Variants in POM121C observed in about 807,000 individuals in gnomAD.
POM121C encodes nuclear envelope pore membrane protein POM 121C.
In POM121C, 20 loss-of-function variants were observed where a neutral mutation model predicts 66.4. That is an observed-to-expected ratio of 0.30 (90% confidence interval 0.21 to 0.44). POM121C has a LOEUF of 0.44. Ranked by LOEUF, POM121C falls within the 20% of genes least tolerant of loss-of-function variation. The probability of loss-of-function intolerance (pLI) is 1.00; values close to 1 mark genes in which losing one functional copy is unlikely to be tolerated. For synonymous variants in POM121C, 286 were observed against 528.0 expected, an observed-to-expected ratio of 0.54 and a Z score of 6.28; for missense variants, 580 against 1,225.7, an observed-to-expected ratio of 0.47 and a Z score of 7.87.
Position 75,440,833 on chromosome 7 carries a change from A to G in POM121C, c.227+121T>C, listed in dbSNP as rs1219804645. On this transcript the variant is annotated intron_variant, in intron 5 of 14. Coordinates refer to ENST00000615331, the MANE Select transcript of POM121C (RefSeq NM_001099415.3). ...TTAGGTTCTCTCATGAAAGCCAAAG[A>G]AGGAGGCCTATGAAGGCTCACAAAC... 160 of 1,526,230 alleles carry G rather than the reference A, an allele frequency of 1.0e-4. 2 individuals carry two copies. The highest frequency in any genetic ancestry group is 2.0e-4 in the Admixed American group (11 of 54,518). 94.5% of individuals were successfully genotyped at this position (1,526,230 alleles called of 1,614,324 possible).
At chr7:75,462,041 A>G (rs1461710738) in intron 3 of POM121C, among the ~76,000 whole-genome samples, 22 of 144,582 alleles carry the variant, frequency 1.5e-4, no homozygotes, top group African/African-American at 5.2e-4. Context: ...ACTGTAGAAA[A>G]ATAATCAAAG....
intron 5 of POM121C, among the ~76,000 whole-genome samples, chr7:75,440,274 C>G (rs1372914509): frequency 6.6e-6 from 1 of 151,868 alleles, no homozygotes; most frequent in African/African-American, 2.4e-5. Context: ...AATTAAGACA[C>G]TAGAACTGGT....
chr7:75,439,210 C>T lies in POM121C; in HGVS notation c.242G>A (p.Ser81Asn). Residue 81 changes from serine (S) to asparagine (N), a missense_variant, in exon 6 of 15, where the codon AGT becomes AAT. Transcript: ENST00000615331. Reference protein sequence around the residue: ...QENKRRRHDSSGSGHSAFEPL... With the variant: ...QENKRRRHDSNGSGHSAFEPL... ...CTCAAATGCTGAATGTCCACTGCCA[C>T]TGCTATCATGGCGCCTGCGACAAAT... 1 of 1,614,268 alleles carries T rather than the reference C, an allele frequency of 6.2e-7. No individual in the cohort carries two copies. Among genetic ancestry groups the T allele is most frequent in the Non-Finnish European group, 8.5e-7 (1 of 1,180,048 alleles).
intron 1 of POM121C, among the ~76,000 whole-genome samples, chr7:75,477,390 C>T (rs587763521): frequency 6.6e-6 from 1 of 152,320 alleles, no homozygotes; most frequent in East Asian, 1.9e-4. Context: ...CAAGACCAGC[C>T]TGGTCAACAT....
chr7:75,452,275 T>C (rs587701533), intron 3 of POM121C, among the ~76,000 whole-genome samples: 11,380 of 151,426 alleles, frequency 0.075, 1,393 homozygotes, highest in African/African-American at 0.26. Context: ...CTGGCCAACA[T>C]GGGGAAATCC....
intron 3 of POM121C, among the ~76,000 whole-genome samples, chr7:75,467,793 GCAC>G (rs1791716205): frequency 6.6e-6 from 1 of 152,014 alleles, no homozygotes; most frequent in Non-Finnish European, 1.5e-5. Context: ...CACTCATTGA[GCAC>G]CTACCTATGT....
chr7:75,458,439 G>A (rs1162908684), intron 3 of POM121C, among the ~76,000 whole-genome samples: 7 of 152,028 alleles, frequency 4.6e-5, no homozygotes, highest in Non-Finnish European at 5.9e-5. Flanking sequence ...TGAGGAGGAG[G>A]AGTGATTGAG....
intron 7 of POM121C, among the ~76,000 whole-genome samples, chr7:75,429,082 A>G (rs1790070316): frequency 6.6e-6 from 1 of 152,216 alleles, no homozygotes; most frequent in Non-Finnish European, 1.5e-5. Context: ...GTACACACTC[A>G]TTTCAGATAT....
chr7:75,423,778 G>A (rs182684840), intron 12 of POM121C, among the ~76,000 whole-genome samples: 84 of 151,774 alleles, frequency 5.5e-4, no homozygotes, highest in Non-Finnish European at 1.0e-3. Context: ...GTGCTGCACC[G>A]GGAAGATCAT....
At chr7:75,475,348 G>A (rs587688242) in intron 1 of POM121C, among the ~76,000 whole-genome samples, 160 bp from the exon 2 acceptor site, 1 of 151,960 alleles carries the variant, frequency 6.6e-6, no homozygotes, top group Non-Finnish European at 1.5e-5. Flanking sequence ...TATCCTTTGG[G>A]GTCCTTTATA....
intron 1 of POM121C, chr7:75,484,238 G>A (rs1473026974): frequency 6.2e-7 from 1 of 1,609,398 alleles, no homozygotes; most frequent in Non-Finnish European, 8.5e-7. Flanking sequence ...GAAACATGCA[G>A]AGACTGTGGC....
intron 6 of POM121C, among the ~76,000 whole-genome samples, chr7:75,438,484 C>A (rs1273324622): frequency 6.6e-6 from 1 of 152,210 alleles, no homozygotes; most frequent in Non-Finnish European, 1.5e-5. Context: ...TCATCCACCA[C>A]CACCCCTCTG....
chr7:75,438,234 C>T (rs1485212130), intron 6 of POM121C, among the ~76,000 whole-genome samples: 2 of 152,196 alleles, frequency 1.3e-5, no homozygotes, highest in Non-Finnish European at 2.9e-5. Flanking sequence ...ATAGACAACG[C>T]TCTCCTAGAG....
chr7:75,471,169 T>C (rs1317338678), intron 3 of POM121C, among the ~76,000 whole-genome samples: 1 of 152,148 alleles, frequency 6.6e-6, no homozygotes, highest in African/African-American at 2.4e-5. Context: ...CCGACCACAG[T>C]TGGGAGCCAC....
chr7:75,460,488 C>A (rs201765159), intron 3 of POM121C, among the ~76,000 whole-genome samples: 12,302 of 141,450 alleles, frequency 0.087, 1,354 homozygotes, highest in African/African-American at 0.29. Context: ...CAGAGTAAGA[C>A]TCTGTCTCAA....
At chr7:75,467,468 C>A (rs1260001116) in intron 3 of POM121C, among the ~76,000 whole-genome samples, 1 of 134,700 alleles carries the variant, frequency 7.4e-6, no homozygotes, top group Admixed American at 8.9e-5. Flanking sequence ...GGAGGCGGAG[C>A]TTGCAGTGAG....
At position 75,474,685 on chromosome 7, in the gene POM121C, T is replaced by G. The variant is rs1792009171; in HGVS notation, c.-152+19A>C. 7.3e-7 allele frequency: 1 copy of G among 1,360,940 alleles called. No homozygotes were observed. Among genetic ancestry groups the G allele is most frequent in the Non-Finnish European group, 1.0e-6 (1 of 965,684 alleles). 84.3% of individuals were successfully genotyped at this position (1,360,940 alleles called of 1,614,324 possible). A position where few individuals can be genotyped will look rare whatever the true frequency, so the allele number is the denominator to read the frequency against. ...TCTGGGATGAGCATTTTTTAACATT[T>G]GATACTCTACTAACTTACCAGGACT... On this transcript the variant is annotated intron_variant, in intron 3 of 14. Coordinates refer to ENST00000615331, the MANE Select transcript of POM121C (RefSeq NM_001099415.3).
intron 10 of POM121C, 96 bp from the exon 11 acceptor site, chr7:75,424,724 C>T: frequency 2.0e-6 from 3 of 1,511,562 alleles, no homozygotes; most frequent in Admixed American, 3.4e-5. Context: ...TCTGGGAGGC[C>T]AAGCCAGCTG....
intron 13 of POM121C, chr7:75,420,552 CTT>C (rs1789661084): frequency 6.6e-6 from 1 of 152,186 alleles, no homozygotes; most frequent in South Asian, 2.1e-4. Context: ...ACTGATCACA[CTT>C]TTTAATATGA....
Sources: allele counts gnomAD v4.1 joint callset (sites outside exome capture counted in the v4.1 genomes callset), GRCh38; gene constraint gnomAD v4.1.1; transcripts MANE v1.5; gene names NCBI Gene and HGNC (gene_info 2026-07-23, HGNC 2026-07-21).